The following HDAC4 variants were observed in gnomAD, a reference collection of about 807,000 sequenced individuals.
HDAC4 encodes histone deacetylase 4, also known as histone deacetylase A.
A neutral mutation model predicts 135.1 loss-of-function variants in HDAC4; 16 were observed. That is an observed-to-expected ratio of 0.12 (90% confidence interval 0.08 to 0.18). HDAC4 has a LOEUF of 0.18. Ranked by LOEUF, HDAC4 falls within the 10% of genes least tolerant of loss-of-function variation. The probability of loss-of-function intolerance (pLI) is 1.00; values close to 1 mark genes in which losing one functional copy is unlikely to be tolerated. For missense variants in HDAC4, 1,143 were observed against 1,511.8 expected (o/e 0.76, Z 4.05); for synonymous variants, 685 against 653.4 (o/e 1.05, Z -0.74).
intron 1 of HDAC4, among the ~76,000 whole-genome samples, chr2:239,375,258 A>G (rs1029899553): frequency 6.6e-6 from 1 of 152,086 alleles, no homozygotes; most frequent in African/African-American, 2.4e-5. Context: ...GTGCCCCGGG[A>G]GGTGCCAGAG....
At chr2:239,370,041 G>A (rs1403590470) in intron 1 of HDAC4, among the ~76,000 whole-genome samples, 5 of 152,216 alleles carry the variant, frequency 3.3e-5, no homozygotes, top group African/African-American at 9.7e-5. Context: ...ACTTCATGAG[G>A]CAGAGAAAAG....
intron 1 of HDAC4, among the ~76,000 whole-genome samples, chr2:239,383,091 G>A (rs1695531215): frequency 6.6e-6 from 1 of 152,164 alleles, no homozygotes; most frequent in South Asian, 2.1e-4. Flanking sequence ...AGGCATGGTT[G>A]GCTTAATACC....
chr2:239,131,711 TCACTC>T (rs1297376128), intron 11 of HDAC4, among the ~76,000 whole-genome samples: 3 of 152,194 alleles, frequency 2.0e-5, no homozygotes, highest in Admixed American at 6.5e-5. Context: ...AGCTGGGACT[TCACTC>T]CAGGCCAGTG....
intron 3 of HDAC4, among the ~76,000 whole-genome samples, chr2:239,227,949 A>G (rs2047337344): frequency 6.6e-6 from 1 of 152,108 alleles, no homozygotes; most frequent in East Asian, 1.9e-4. Flanking sequence ...TTTCAACGCA[A>G]TTCAAGCCCT....
chr2:239,114,125 A>T (rs571996946), intron 13 of HDAC4, among the ~76,000 whole-genome samples: 1 of 152,236 alleles, frequency 6.6e-6, no homozygotes, highest in African/African-American at 2.4e-5. Flanking sequence ...TGTAGCTGAG[A>T]ATTAAGGGGA....
Position 239,176,393 on chromosome 2 carries a change from C to G in HDAC4, c.490+20G>C. The G allele has an allele frequency of 6.2e-7, 1 of 1,608,234 alleles. No individual in the cohort carries two copies. Among genetic ancestry groups the G allele is most frequent in the Non-Finnish European group, 8.5e-7 (1 of 1,179,454 alleles). On this transcript the variant is annotated intron_variant, in intron 5 of 26. Coordinates refer to ENST00000543185, the MANE Select transcript of HDAC4 (RefSeq NM_001378414.1). ...GCCCGGCCTCCCTCCCTCTGCCTGG[C>G]CTTCCGTGCCCACACTCACTCTCTT...
At chr2:239,294,602 C>T (rs2051739325) in intron 2 of HDAC4, among the ~76,000 whole-genome samples, 1 of 151,998 alleles carries the variant, frequency 6.6e-6, no homozygotes, top group South Asian at 2.1e-4. Context: ...AGCTGGGGCA[C>T]ACACAGATGT....
At position 239,051,206 on chromosome 2, in the gene HDAC4, C is replaced by T. The variant is rs966441379; in HGVS notation, c.*1891G>A. 15 of 152,476 alleles carry T rather than the reference C, an allele frequency of 9.8e-5. No individual in the cohort carries two copies. The highest frequency in any genetic ancestry group is 9.2e-4 in the Admixed American group (14 of 15,276). The allele number at this position is 152,476 out of a possible 1,614,324, so 9.4% of individuals were successfully genotyped here. Reference sequence around the variant, plus strand: ...GAAAAACACACCACCCCTCGTAATACTACTAGTGTTGAAAGTTAAAAAGAG... The same window carrying T: ...GAAAAACACACCACCCCTCGTAATATTACTAGTGTTGAAAGTTAAAAAGAG... On this transcript the variant is annotated 3_prime_UTR_variant, in exon 27 of 27. Coordinates refer to ENST00000543185, the MANE Select transcript of HDAC4 (RefSeq NM_001378414.1).
chr2:239,298,699 GAC>G (rs2052060431), intron 2 of HDAC4: 5 of 808,434 alleles, frequency 6.2e-6, no homozygotes, highest in Non-Finnish European at 7.5e-6. Flanking sequence ...TGGAAATCAT[GAC>G]ACTCCACCTA....
At chr2:239,071,342 G>C (rs1012083466) in intron 22 of HDAC4, among the ~76,000 whole-genome samples, 1 of 152,132 alleles carries the variant, frequency 6.6e-6, no homozygotes, top group Non-Finnish European at 1.5e-5. Context: ...TTGAACCCAG[G>C]AGGCAGAGGT....
At chr2:239,281,345 ACAC>A (rs1339195750) in intron 2 of HDAC4, among the ~76,000 whole-genome samples, 1 of 109,888 alleles carries the variant, frequency 9.1e-6, no homozygotes, top group African/African-American at 3.1e-5. Flanking sequence ...AACAATGTAC[ACAC>A]CACTCTACAA....
intron 24 of HDAC4, among the ~76,000 whole-genome samples, chr2:239,063,919 C>T (rs1363854489): frequency 3.3e-5 from 5 of 152,208 alleles, no homozygotes; most frequent in African/African-American, 9.6e-5. Context: ...TTGGGTGAGC[C>T]GAGGCTCAGC....
chr2:239,121,928 G>T (rs1482180424), intron 12 of HDAC4, among the ~76,000 whole-genome samples: 1 of 152,234 alleles, frequency 6.6e-6, no homozygotes, highest in Middle Eastern at 3.2e-3. Context: ...GGCTTTGGGA[G>T]GTGAGCCGGA....
At chr2:239,074,294 G>A (rs777678987) in intron 22 of HDAC4, among the ~76,000 whole-genome samples, 6 of 152,268 alleles carry the variant, frequency 3.9e-5, no homozygotes, top group African/African-American at 1.4e-4. Flanking sequence ...TTGTGTGGAC[G>A]CTGTGTCCTT....
intron 7 of HDAC4, 124 bp from the exon 8 acceptor site, chr2:239,144,838 T>A: frequency 2.1e-6 from 2 of 955,338 alleles, no homozygotes; most frequent in Non-Finnish European, 3.3e-6. Context: ...GCTGTGTTGC[T>A]GCAGGGGAGA....
chr2:239,248,827 G>A (rs2048616056), intron 2 of HDAC4, among the ~76,000 whole-genome samples: 1 of 152,144 alleles, frequency 6.6e-6, no homozygotes, highest in Non-Finnish European at 1.5e-5. Context: ...CTGCTGTTCT[G>A]CCTCTCCACA....
chr2:239,094,763 G>C (rs1178321945), intron 17 of HDAC4: 1 of 1,362,718 alleles, frequency 7.3e-7, no homozygotes, highest in Non-Finnish European at 9.5e-7. Context: ...TTCTTAAAGC[G>C]AGAGCCACTG....
chr2:239,107,637 C>A (rs2038273339), intron 15 of HDAC4, among the ~76,000 whole-genome samples: 1 of 152,232 alleles, frequency 6.6e-6, no homozygotes, highest in African/African-American at 2.4e-5. Flanking sequence ...AGCCAACAGG[C>A]CTGATCTGAG....
chr2:239,368,868 C>A (rs1694404868), intron 1 of HDAC4, among the ~76,000 whole-genome samples: 1 of 152,206 alleles, frequency 6.6e-6, no homozygotes, highest in African/African-American at 2.4e-5. Flanking sequence ...CTACTCAAAA[C>A]TATCGATGTC....
Sources: gnomAD v4.1 joint callset for allele counts (sites outside exome capture counted in the v4.1 genomes callset) on GRCh38, gnomAD v4.1.1 for gene constraint, MANE v1.5 for transcripts, NCBI Gene and HGNC (gene_info 2026-07-23, HGNC 2026-07-21) for gene names.